PDE4D: variants seen among roughly 807,000 people sequenced by gnomAD.
PDE4D encodes the protein phosphodiesterase 4D.
A neutral mutation model predicts 87.4 loss-of-function variants in PDE4D; 24 were observed. The ratio of observed to expected loss-of-function variants is 0.27; its 90% CI spans 0.20 to 0.39. The LOEUF (loss-of-function observed/expected upper bound fraction) is 0.39. Ranked by LOEUF, PDE4D falls within the 10% of genes least tolerant of loss-of-function variation. The pLI is 1.00. For synonymous variants in PDE4D, 384 were observed against 383.2 expected, an observed-to-expected ratio of 1.00 and a Z score of -0.02; for missense variants, 714 against 1,041.0, an observed-to-expected ratio of 0.69 and a Z score of 4.32.
rs1365612532 is a variant in PDE4D, at chr5:60,051,881, T to A, written c.43-63164A>T. ...GATATCACCACTGATCCCGCAGAAA[T>A]ACAAATTACTATCAGAGTATACTAT... On this transcript the variant is annotated intron_variant, in intron 2 of 16. Transcript: ENST00000502484. 5.3e-5 allele frequency among the ~76,000 whole-genome samples: 8 copies of A among 152,070 alleles called. No individual in the cohort carries two copies. The East Asian group carries it at 1.5e-3, about 29-fold the overall frequency.
chr5:60,020,959 C>T (rs1476204593), intron 2 of PDE4D, among the ~76,000 whole-genome samples: 1 of 152,112 alleles, frequency 6.6e-6, no homozygotes, highest in Non-Finnish European at 1.5e-5. Context: ...GGGAATTGCC[C>T]ACCTCCAATC....
intron 1 of PDE4D, among the ~76,000 whole-genome samples, chr5:59,394,912 C>T (rs1337539178): frequency 6.6e-6 from 1 of 152,246 alleles, no homozygotes. Context: ...GGCATTGCCT[C>T]ACTCGGGAAG....
At chr5:59,139,371 A>G (rs1396549064) in intron 5 of PDE4D, among the ~76,000 whole-genome samples, 1 of 152,202 alleles carries the variant, frequency 6.6e-6, no homozygotes, top group Admixed American at 6.5e-5. Context: ...GGCCAGGTGT[A>G]TCTAATACCA....
At chr5:59,043,561 T>G (rs1760063626) in intron 5 of PDE4D, among the ~76,000 whole-genome samples, 1 of 152,174 alleles carries the variant, frequency 6.6e-6, no homozygotes, top group African/African-American at 2.4e-5. Context: ...ATCCAGATTT[T>G]TTTTATTATT....
intron 1 of PDE4D, among the ~76,000 whole-genome samples, chr5:59,802,502 G>A (rs1480976059): frequency 1.3e-5 from 2 of 149,098 alleles, no homozygotes; most frequent in African/African-American, 5.0e-5. Flanking sequence ...AGGTTCAAGC[G>A]ATTCTCCTGC....
intron 1 of PDE4D, among the ~76,000 whole-genome samples, chr5:60,257,306 G>GT (rs1307892904): frequency 5.3e-5 from 8 of 151,738 alleles, no homozygotes; most frequent in Non-Finnish European, 1.2e-4. Flanking sequence ...AATCATATTT[G>GT]GAAAAACCTC....
At chr5:58,986,166 C>T (rs774861980) in intron 11 of PDE4D, among the ~76,000 whole-genome samples, 74 of 152,244 alleles carry the variant, frequency 4.9e-4, no homozygotes, top group Non-Finnish European at 1.5e-4. Context: ...TTTGCAGCGG[C>T]AGGATTAGTT....
At chr5:58,978,730 G>C (rs1448912984) in intron 11 of PDE4D, among the ~76,000 whole-genome samples, 2 of 152,026 alleles carry the variant, frequency 1.3e-5, no homozygotes, top group Non-Finnish European at 2.9e-5. Flanking sequence ...GAGTAGGTTT[G>C]TACAGTATTT....
At chr5:59,248,037 A>G (rs1759194229) in intron 1 of PDE4D, among the ~76,000 whole-genome samples, 1 of 76,486 alleles carries the variant, frequency 1.3e-5, no homozygotes, top group Non-Finnish European at 2.5e-5. Context: ...TACCGTATCT[A>G]TTAGTAAAAA....
chr5:59,962,408 G>A (rs1759566604), intron 3 of PDE4D, among the ~76,000 whole-genome samples: 2 of 151,954 alleles, frequency 1.3e-5, no homozygotes, highest in African/African-American at 2.4e-5. Context: ...CAAATGCAGT[G>A]ACACTTCGAT....
chr5:60,303,746 G>A (rs996423648), intron 1 of PDE4D, among the ~76,000 whole-genome samples: 5 of 152,144 alleles, frequency 3.3e-5, no homozygotes, highest in African/African-American at 7.2e-5. Context: ...AGTGCTGTAT[G>A]GCAATGAAAA....
chr5:59,142,444 C>A (rs1000420721), intron 5 of PDE4D, among the ~76,000 whole-genome samples: 1 of 152,224 alleles, frequency 6.6e-6, no homozygotes, highest in Non-Finnish European at 1.5e-5. Context: ...CATCTCAAAG[C>A]AAACTTTAGA....
At chr5:59,172,969 T>C (rs1266161818) in intron 5 of PDE4D, 3 of 152,220 alleles carry the variant, frequency 2.0e-5, no homozygotes, top group South Asian at 4.1e-4. Flanking sequence ...CCAAGTACTA[T>C]GTTAAGCACT....
At chr5:59,099,997 C>A (rs1191787985) in intron 5 of PDE4D, among the ~76,000 whole-genome samples, 1 of 151,932 alleles carries the variant, frequency 6.6e-6, no homozygotes, top group Non-Finnish European at 1.5e-5. Context: ...CCAATACTTT[C>A]TTTATTTTCC....
chr5:60,304,261 A>G (rs979227414), intron 1 of PDE4D: 2 of 152,210 alleles, frequency 1.3e-5, no homozygotes, highest in East Asian at 1.9e-4. Context: ...TTAAGAAAAA[A>G]AAAGTGAGCA....
At chr5:59,697,363 AG>A (rs1467066395) in intron 1 of PDE4D, among the ~76,000 whole-genome samples, 1 of 152,220 alleles carries the variant, frequency 6.6e-6, no homozygotes, top group African/African-American at 2.4e-5. Context: ...AGAGGGCCAA[AG>A]GGGCTTAATC....
chr5:59,646,022 G>A (rs980931834), intron 1 of PDE4D, among the ~76,000 whole-genome samples: 9 of 152,008 alleles, frequency 5.9e-5, no homozygotes, highest in South Asian at 2.1e-4. Context: ...CAAAACTACA[G>A]AGCCAAAAAA....
Position 59,475,221 on chromosome 5 carries a change from G to A in PDE4D, c.456-259253C>T, listed in dbSNP as rs1406585073. On this transcript the variant is annotated intron_variant, in intron 1 of 14. Transcript: ENST00000340635. ...CTGAGGGATCCTCAGAGGGAACTGT[G>A]CATTAGCTTACGGGGCCTGCAAACG... Among the ~76,000 whole-genome samples, 8 of 144,898 alleles carry A rather than the reference G, an allele frequency of 5.5e-5. No individual in the cohort carries two copies. The East Asian group carries it at 9.9e-4, about 18-fold the overall frequency.
chr5:59,008,639 A>T (rs1752142225), intron 6 of PDE4D, among the ~76,000 whole-genome samples: 1 of 152,102 alleles, frequency 6.6e-6, no homozygotes, highest in African/African-American at 2.4e-5. Context: ...GAACTTCTAG[A>T]AGAAAACACA....
Sources: allele counts gnomAD v4.1 joint callset (sites outside exome capture counted in the v4.1 genomes callset), GRCh38; gene constraint gnomAD v4.1.1; transcripts MANE v1.5; gene names NCBI Gene and HGNC (gene_info 2026-07-23, HGNC 2026-07-21).